Variants in HRH1 observed in about 807,000 individuals in gnomAD.
HRH1 encodes histamine receptor H1.
HRH1 carries 6 observed loss-of-function variants against 10.3 expected under a neutral mutation model. That is an observed-to-expected ratio of 0.58 (90% CI 0.32 to 1.15). The LOEUF (loss-of-function observed/expected upper bound fraction) is 1.15, where lower values mean the gene tolerates loss of function less well. HRH1 is among the 50% of genes most tolerant of loss of function. HRH1 has a pLI of 0.05. For synonymous variants in HRH1, 242 were observed against 236.7 expected (o/e 1.02, Z -0.21); for missense variants, 514 against 615.3 (o/e 0.84, Z 1.74).
chr3:11,188,515 A>C (rs1453655872), intron 1 of HRH1, among the ~76,000 whole-genome samples: 1 of 152,194 alleles, frequency 6.6e-6, no homozygotes, highest in Non-Finnish European at 1.5e-5. Context: ...AGATTGCGCC[A>C]CTGCACTGCA....
chr3:11,211,433 C>T (rs1342007973), intron 1 of HRH1, among the ~76,000 whole-genome samples: 5 of 152,242 alleles, frequency 3.3e-5, no homozygotes, highest in African/African-American at 9.6e-5. Flanking sequence ...GCAGTACCTA[C>T]TGTCAACATG....
intron 1 of HRH1, among the ~76,000 whole-genome samples, chr3:11,168,630 G>A (rs984461456): frequency 3.3e-5 from 5 of 152,258 alleles, no homozygotes; most frequent in Non-Finnish European, 7.3e-5. Flanking sequence ...GAGCGTAATC[G>A]TTGTGCCTGC....
intron 1 of HRH1, among the ~76,000 whole-genome samples, chr3:11,228,652 C>T (rs1234473802): frequency 1.3e-5 from 2 of 152,124 alleles, no homozygotes; most frequent in East Asian, 1.9e-4. Context: ...CACAGTGGCT[C>T]ATGCCTGTAA....
At chr3:11,193,442 TA>T in intron 1 of HRH1, among the ~76,000 whole-genome samples, 1 of 152,234 alleles carries the variant, frequency 6.6e-6, no homozygotes, top group Non-Finnish European at 1.5e-5. Flanking sequence ...AGGTGGCTTA[TA>T]AACGACAGAA....
intron 1 of HRH1, among the ~76,000 whole-genome samples, chr3:11,181,781 G>A (rs569084290): frequency 1.1e-4 from 17 of 152,048 alleles, no homozygotes; most frequent in East Asian, 5.8e-4. Flanking sequence ...ACAGGCGCCC[G>A]CCACTGCGCC....
Position 11,148,609 on chromosome 3 carries a change from C to T in HRH1, c.-36+11210C>T, listed in dbSNP as rs138149005. ...ACCGAAGCTCCAGGCATTACATCTA[C>T]GTTCCAAGCAGCAGAAAAAAAGAAA... On this transcript the variant is annotated intron_variant, in intron 1 of 1. Transcript: ENST00000438284. Among the ~76,000 whole-genome samples, 460 of 151,988 alleles carry T rather than the reference C, an allele frequency of 3.0e-3. 2 individuals are homozygous for T. Among genetic ancestry groups the T allele is most frequent in the African/African-American group, 9.9e-3 (409 of 41,442 alleles).
At chr3:11,204,508 G>A (rs1325525179) in intron 1 of HRH1, among the ~76,000 whole-genome samples, 1 of 152,102 alleles carries the variant, frequency 6.6e-6, no homozygotes, top group African/African-American at 2.4e-5. Flanking sequence ...TCAGAAGTGT[G>A]TATGGCCAGA....
intron 1 of HRH1, among the ~76,000 whole-genome samples, chr3:11,145,960 T>G (rs1559250593): frequency 6.6e-6 from 1 of 152,246 alleles, no homozygotes; most frequent in Non-Finnish European, 1.5e-5. Flanking sequence ...TATTCAGGCT[T>G]CTATTGGTGA....
intron 1 of HRH1, among the ~76,000 whole-genome samples, chr3:11,255,609 G>A (rs184868547): frequency 2.6e-5 from 4 of 152,336 alleles, no homozygotes; most frequent in Non-Finnish European, 4.4e-5. Context: ...TCAGAGCACA[G>A]TTTGGTTTTA....
At chr3:11,148,191 A>G (rs890329081) in intron 1 of HRH1, among the ~76,000 whole-genome samples, 2 of 142,684 alleles carry the variant, frequency 1.4e-5, no homozygotes, top group South Asian at 4.7e-4. Flanking sequence ...AAAAAAAAAA[A>G]AAAAAAAGAA....
chr3:11,213,920 C>T (rs932984021), intron 1 of HRH1, among the ~76,000 whole-genome samples: 1 of 152,074 alleles, frequency 6.6e-6, no homozygotes, highest in African/African-American at 2.4e-5. Flanking sequence ...AGGACTATCA[C>T]GTAAAGAGAT....
intron 1 of HRH1, among the ~76,000 whole-genome samples, chr3:11,171,408 G>T (rs1937148643): frequency 6.6e-6 from 1 of 152,196 alleles, no homozygotes; most frequent in Non-Finnish European, 1.5e-5. Flanking sequence ...AAGCTACTGT[G>T]CCTGGCCAGG....
chr3:11,214,663 T>G (rs1275231686), intron 1 of HRH1, among the ~76,000 whole-genome samples: 1 of 152,254 alleles, frequency 6.6e-6, no homozygotes, highest in Non-Finnish European at 1.5e-5. Flanking sequence ...AAACAGTATA[T>G]TCAGTCCAGG....
chr3:11,260,264 C>T lies in HRH1; in HGVS notation c.1227C>T (p.Arg409=), dbSNP rs770888159. 1.4e-5 allele frequency: 22 copies of T among 1,614,142 alleles called. No homozygotes were observed. The highest frequency in any genetic ancestry group is 1.2e-4 in the South Asian group (11 of 91,086). The change falls in exon 2 of 2, where the codon CGC becomes CGT. Residue 409 remains arginine, a synonymous_variant. Transcript: ENST00000431010. ...ATGTATCTGGGTTGCACATGAACCG[C>T]GAAAGGAAGGCCGCCAAACAGTTGG... The part of the protein sequence containing the change: ...RQYVSGLHMN[R]ERKAAKQLGF...
intron 1 of HRH1, among the ~76,000 whole-genome samples, chr3:11,241,263 T>A (rs1939328438): frequency 7.0e-6 from 1 of 141,996 alleles, no homozygotes; most frequent in Non-Finnish European, 1.5e-5. Context: ...GAATTGACAT[T>A]GTCCTGTACA....
intron 1 of HRH1, among the ~76,000 whole-genome samples, chr3:11,183,027 C>T (rs11128542): frequency 6.6e-6 from 1 of 152,138 alleles, no homozygotes; most frequent in Non-Finnish European, 1.5e-5. Flanking sequence ...CACAGAGCAA[C>T]CTCAGGAAAA....
At chr3:11,202,214 G>A (rs998306247) in intron 1 of HRH1, among the ~76,000 whole-genome samples, 4 of 152,080 alleles carry the variant, frequency 2.6e-5, no homozygotes, top group Non-Finnish European at 5.9e-5. Context: ...GACCAGCCTG[G>A]CCAACATGGC....
rs1458507871 is a variant in HRH1 at position 11,179,576 on chromosome 3, C to T, written c.-36+25022C>T. On this transcript the variant is annotated intron_variant, in intron 1 of 1. Transcript: ENST00000431010. ...CGGAGCTTGCAGTGAGCTGAGATTA[C>T]GCCACTGCACTCCAGCCTGGGTGAC... Among the ~76,000 whole-genome samples, 6 of 150,172 alleles carry T rather than the reference C, an allele frequency of 4.0e-5. No homozygotes were observed. In the South Asian group the frequency reaches 6.3e-4, roughly 16 times the overall value.
intron 1 of HRH1, among the ~76,000 whole-genome samples, chr3:11,246,077 A>G (rs1396407680): frequency 6.6e-6 from 1 of 151,338 alleles, no homozygotes; most frequent in Non-Finnish European, 1.5e-5. Context: ...CTCACACACA[A>G]TCACACACAT....
Sources: allele counts gnomAD v4.1 joint callset (sites outside exome capture counted in the v4.1 genomes callset), GRCh38; gene constraint gnomAD v4.1.1; transcripts MANE v1.5; gene names NCBI Gene and HGNC (gene_info 2026-07-23, HGNC 2026-07-21).